Variants in ATL2 observed in about 807,000 individuals in gnomAD.
ATL2 encodes atlastin-2.
Under a neutral mutation model 73.9 loss-of-function variants are expected in ATL2, and 31 were observed. That is an observed-to-expected ratio of 0.42 (90% CI 0.32 to 0.57). ATL2 has a LOEUF of 0.57. ATL2 is among the 20% of genes least tolerant of loss of function. The pLI is 0.14. For synonymous variants in ATL2, 291 were observed against 237.5 expected (o/e 1.23, Z -2.07); for missense variants, 738 against 702.6 (o/e 1.05, Z -0.57).
chr2:38,370,577 C>A (rs1296119373), intron 1 of ATL2, among the ~76,000 whole-genome samples: 1 of 151,846 alleles, frequency 6.6e-6, no homozygotes, highest in East Asian at 1.9e-4. Flanking sequence ...TTGAGACCAG[C>A]CTGACCAACG....
chr2:38,371,815 T>C (rs1040081621), intron 1 of ATL2, among the ~76,000 whole-genome samples: 1 of 151,934 alleles, frequency 6.6e-6, no homozygotes, highest in Non-Finnish European at 1.5e-5. Context: ...AAGAATCGCT[T>C]GAACCCACGA....
intron 1 of ATL2, among the ~76,000 whole-genome samples, chr2:38,359,784 T>C (rs940498285): frequency 6.6e-5 from 10 of 152,132 alleles, no homozygotes; most frequent in African/African-American, 2.4e-4. Context: ...CATCAAATAT[T>C]ACCCAGTTCT....
chr2:38,325,695 C>CCCACA (rs1668593040), intron 2 of ATL2, among the ~76,000 whole-genome samples: 1 of 9,244 alleles, frequency 1.1e-4, no homozygotes, highest in Non-Finnish European at 1.9e-4. Flanking sequence ...CACACACACA[C>CCCACA]CAGTACACAC....
chr2:38,296,445 T>A (rs1186965394), intron 12 of ATL2: 1 of 1,568,566 alleles, frequency 6.4e-7, no homozygotes, highest in East Asian at 2.3e-5. Context: ...TGTGTAAGTG[T>A]GAACACTTCA....
chr2:38,315,218 T>C, intron 5 of ATL2, 66 bp downstream of exon 5: 1 of 1,367,054 alleles, frequency 7.3e-7, no homozygotes, highest in Non-Finnish European at 9.5e-7. Context: ...GCCACCGTAC[T>C]CTAGTCTGGG....
intron 2 of ATL2, among the ~76,000 whole-genome samples, chr2:38,329,759 G>C (rs1668875871): frequency 6.6e-6 from 1 of 152,050 alleles, no homozygotes; most frequent in Non-Finnish European, 1.5e-5. Context: ...TGATCAAGTG[G>C]GATTTACTCC....
chr2:38,301,947 G>A (rs977180148), intron 9 of ATL2, among the ~76,000 whole-genome samples: 7 of 152,226 alleles, frequency 4.6e-5, no homozygotes, highest in Non-Finnish European at 8.8e-5. Context: ...GTGAGGAGAG[G>A]AGAGGGGAGA....
At chr2:38,346,747 T>G (rs1670037452) in intron 1 of ATL2, among the ~76,000 whole-genome samples, 1 of 152,142 alleles carries the variant, frequency 6.6e-6, no homozygotes, top group Admixed American at 6.5e-5. Context: ...CGCCTGCTAC[T>G]CCCCTCTTGC....
At chr2:38,308,229 A>G (rs1485418484) in intron 9 of ATL2, among the ~76,000 whole-genome samples, 1 of 152,230 alleles carries the variant, frequency 6.6e-6, no homozygotes, top group Admixed American at 6.5e-5. Flanking sequence ...CGAATGGATA[A>G]AGAAATGTGG....
chr2:38,338,557 G>C (rs1190976024), intron 2 of ATL2, among the ~76,000 whole-genome samples: 1 of 134,184 alleles, frequency 7.5e-6, no homozygotes, highest in East Asian at 2.0e-4. Flanking sequence ...TAAATAAATA[G>C]GGAGAAGATA....
At chr2:38,320,987 CAAA>C (rs34929294) in intron 2 of ATL2, among the ~76,000 whole-genome samples, 3 of 94,516 alleles carry the variant, frequency 3.2e-5, no homozygotes, top group Non-Finnish European at 4.6e-5. Context: ...ACCAAAATGA[CAAA>C]AAAAAAAAAA....
intron 2 of ATL2, among the ~76,000 whole-genome samples, chr2:38,323,171 C>T (rs979896644): frequency 1.1e-4 from 16 of 151,974 alleles, no homozygotes; most frequent in Admixed American, 1.0e-3. Context: ...TTACTAAAAG[C>T]AAACCTAAAA....
At chr2:38,305,810 G>A (rs191252429) in intron 9 of ATL2, among the ~76,000 whole-genome samples, 2 of 152,010 alleles carry the variant, frequency 1.3e-5, no homozygotes, top group Admixed American at 6.5e-5. Context: ...ATGGTAATAA[G>A]TGCCTACATC....
At chr2:38,330,386 C>A (rs1324117727) in intron 2 of ATL2, among the ~76,000 whole-genome samples, 2 of 152,122 alleles carry the variant, frequency 1.3e-5, no homozygotes, top group Non-Finnish European at 2.9e-5. Flanking sequence ...GTACTCAATA[C>A]TACCAGAGGT....
At chr2:38,333,730 C>A (rs1260862801) in intron 2 of ATL2, among the ~76,000 whole-genome samples, 2 of 152,168 alleles carry the variant, frequency 1.3e-5, no homozygotes, top group African/African-American at 4.8e-5. Context: ...GCTGGAAAAG[C>A]TGCAAAGGAC....
At chr2:38,345,481 C>T (rs1294224093) in intron 1 of ATL2, among the ~76,000 whole-genome samples, 5 of 152,168 alleles carry the variant, frequency 3.3e-5, no homozygotes, top group African/African-American at 7.2e-5. Context: ...GCAAAGTCAA[C>T]AGCACTATTT....
rs1669831506 is a variant in ATL2, at chr2:38,343,248, C to G, written c.363+20G>C. On this transcript the variant is annotated intron_variant, in intron 2 of 12. Coordinates refer to ENST00000378954, the MANE Select transcript of ATL2 (RefSeq NM_001135673.4). ...GTACTTTTTTCTTTTTAATTGGGTT[C>G]AATTTAAAAGACTATTCACCTTGTT... is the stretch of plus-strand genomic sequence containing the variant. 1 of 1,474,090 alleles carries G rather than the reference C, an allele frequency of 6.8e-7. No homozygotes were observed. The highest frequency in any genetic ancestry group is 1.5e-5 in the African/African-American group (1 of 66,468). 91.3% of individuals were successfully genotyped at this position (1,474,090 alleles called of 1,614,324 possible). A position where few individuals can be genotyped will look rare whatever the true frequency, so the allele number is the denominator to read the frequency against.
chr2:38,366,375 A>C (rs958259343), intron 1 of ATL2, among the ~76,000 whole-genome samples: 1 of 152,182 alleles, frequency 6.6e-6, no homozygotes, highest in African/African-American at 2.4e-5. Context: ...TTTATTAAAC[A>C]TACTCTAATA....
intron 2 of ATL2, among the ~76,000 whole-genome samples, chr2:38,320,429 T>C (rs371981082): frequency 4.6e-5 from 7 of 152,188 alleles, no homozygotes; most frequent in Admixed American, 6.5e-5. Context: ...CAGCAAAATG[T>C]TGACAAATAC....
Sources: allele counts gnomAD v4.1 joint callset (sites outside exome capture counted in the v4.1 genomes callset), GRCh38; gene constraint gnomAD v4.1.1; transcripts MANE v1.5; gene names NCBI Gene and HGNC (gene_info 2026-07-23, HGNC 2026-07-21).